CCDC51: variants seen among roughly 807,000 people sequenced by gnomAD.
The protein encoded by CCDC51 is coiled-coil domain containing 51.
A neutral mutation model predicts 24.8 loss-of-function variants in CCDC51; 25 were observed. The observed-to-expected ratio is 1.01, with a 90% confidence interval of 0.73 to 1.41. The LOEUF is 1.41. CCDC51 is among the 40% of genes most tolerant of loss of function. The pLI is 0.00. For missense variants in CCDC51, 466 were observed against 519.1 expected (o/e 0.90, Z 0.99); for synonymous variants, 190 against 204.3 (o/e 0.93, Z 0.60).
upstream of CCDC51, chr3:48,440,664 A>C (rs1222858987): frequency 6.3e-7 from 1 of 1,583,344 alleles, no homozygotes; most frequent in Admixed American, 1.7e-5. Flanking sequence ...AGCTGGCCAA[A>C]CGCTATGAGC....
upstream of CCDC51, chr3:48,440,506 C>G: frequency 6.2e-7 from 1 of 1,605,148 alleles, no homozygotes; most frequent in Non-Finnish European, 8.5e-7. Flanking sequence ...CGCTGGGAGA[C>G]AGGCCTGAGT....
rs2039255044 is a variant in CCDC51 at position 48,433,574 on chromosome 3, T to C, written c.477+133A>G. ...GGAAGCTTGGGGTTCTGTCCATCCATAGGAGCTTCTGGCTCACCTCTGTAC... is the reference window on the plus strand; with the variant it reads ...GGAAGCTTGGGGTTCTGTCCATCCACAGGAGCTTCTGGCTCACCTCTGTAC... On this transcript the variant is annotated intron_variant, in intron 3 of 3. Coordinates refer to ENST00000395694, the MANE Select transcript of CCDC51 (RefSeq NM_001256964.2). This position sits in a 1 kb window ranked among gnomAD's most constrained non-coding sequence, Gnocchi z 4.4. 4 of 937,938 alleles carry C rather than the reference T, an allele frequency of 4.3e-6. No individual in the cohort carries two copies. The highest frequency in any genetic ancestry group is 3.2e-5 in the South Asian group (2 of 62,266). 58.1% of individuals were successfully genotyped at this position (937,938 alleles called of 1,614,324 possible). A position where few individuals can be genotyped will look rare whatever the true frequency, so the allele number is the denominator to read the frequency against.
In CCDC51 at chr3:48,434,883, C is replaced by T; in HGVS notation, c.246G>A (p.Trp82Ter). The T allele has an allele frequency of 1.2e-6, 2 of 1,614,202 alleles. No homozygotes were observed. Among genetic ancestry groups the T allele is most frequent in the Middle Eastern group, 1.6e-4 (1 of 6,062 alleles). The change falls in exon 2 of 4, where the codon TGG (tryptophan) becomes TGA (stop). Residue 82 changes from tryptophan to a stop codon, truncating the protein, a stop_gained. Transcript: ENST00000395694. LOFTEE classifies it high-confidence loss of function. ...CAACAAACTCTTCATATCTGTCCCACCAAGTCTTGGCTGTGGAGGTCGCTC... is the reference window on the plus strand; with the variant it reads ...CAACAAACTCTTCATATCTGTCCCATCAAGTCTTGGCTGTGGAGGTCGCTC... Reference protein sequence around the residue: ...QQRATSTAKTWWDRYEEFVGL... With the variant: ...QQRATSTAKT
chr3:48,440,835 A>C, upstream of CCDC51: 1 of 602,472 alleles, frequency 1.7e-6, no homozygotes, highest in Non-Finnish European at 3.0e-6. Flanking sequence ...CCTCCCAGGC[A>C]GTCTGGGCTT....
At chr3:48,442,087 G>T (rs1575431172), upstream of CCDC51, among the ~76,000 whole-genome samples, 2 of 152,132 alleles carry the variant, frequency 1.3e-5, no homozygotes, top group African/African-American at 4.8e-5. Flanking sequence ...GCTGGGCGTG[G>T]TGGTGGTGGC....
At chr3:48,438,617 C>G (rs1033686454) in intron 1 of CCDC51, among the ~76,000 whole-genome samples, 1 of 152,208 alleles carries the variant, frequency 6.6e-6, no homozygotes, top group Non-Finnish European at 1.5e-5. Context: ...AATCCAGGAT[C>G]CCTCCTCCTC....
chr3:48,440,245 G>A (rs1451563912), upstream of CCDC51: 6 of 1,567,166 alleles, frequency 3.8e-6, no homozygotes, highest in Non-Finnish European at 3.5e-6. Context: ...CAAAGGGTGG[G>A]GCAGACGCTC....
chr3:48,438,226 G>A (rs1171620423), intron 1 of CCDC51: 1 of 152,030 alleles, frequency 6.6e-6, no homozygotes, highest in Non-Finnish European at 1.5e-5. Context: ...ATTTATTTTG[G>A]TGATGGCCAT....
In CCDC51 at chr3:48,432,682, C is replaced by T. The variant is rs200880198; in HGVS notation, c.962G>A (p.Arg321Gln). The T allele has an allele frequency of 2.1e-4, 344 of 1,614,222 alleles. No homozygotes were observed. In the African/African-American group the frequency reaches 4.2e-3, roughly 20 times the overall value. Residue 321 changes from arginine (R) to glutamine (Q), a missense_variant, in exon 4 of 4, where the codon CGA (arginine) becomes CAA (glutamine). Transcript: ENST00000395694. ...CTTTTCTAGGCCATCAAGCTGCTCT[C>T]GTAAGCCTTCTAGACATGAATGGAC... ...RQVHSCLEGL[R>Q]EQLDGLEKTC...
At position 48,433,603 on chromosome 3, in the gene CCDC51, G is replaced by C; in HGVS notation, c.477+104C>G. On this transcript the variant is annotated intron_variant, in intron 3 of 3. Coordinates refer to ENST00000395694, the MANE Select transcript of CCDC51 (RefSeq NM_001256964.2). The surrounding 1 kb of genome is among the most constrained non-coding windows in gnomAD (Gnocchi z 4.4). Reference sequence around the variant, plus strand: ...AGCTTCTGGCTCACCTCTGTACCAGGCCTCTGACTACAGACCAGTCAGGGT... The same window carrying C: ...AGCTTCTGGCTCACCTCTGTACCAGCCCTCTGACTACAGACCAGTCAGGGT... The C allele has an allele frequency of 8.2e-7, 1 of 1,225,734 alleles. No individual in the cohort carries two copies. The highest frequency in any genetic ancestry group is 1.1e-6 in the Non-Finnish European group (1 of 870,998). The allele number at this position is 1,225,734 out of a possible 1,614,324, so 75.9% of individuals were successfully genotyped here.
chr3:48,434,846 C>G lies in CCDC51; in HGVS notation c.283G>C (p.Val95Leu). 1.9e-6 allele frequency: 3 copies of G among 1,610,176 alleles called. No homozygotes were observed. The highest frequency in any genetic ancestry group is 2.5e-6 in the Non-Finnish European group (3 of 1,177,292). ...GTCACCTTTCCCTGGGCCTCTCGAA[C>G]CTCGTTGAGTCCAACAAACTCTTCA... is the stretch of plus-strand genomic sequence containing the variant. The part of the protein sequence containing the change: ...RYEEFVGLNE[V>L]REAQGKVTEA... The change falls in exon 2 of 4, where the codon GTT becomes CTT. Residue 95 changes from valine to leucine, a missense_variant. Transcript: ENST00000395694.
chr3:48,433,661 A>T lies in CCDC51; in HGVS notation c.477+46T>A. 1 of 1,584,260 alleles carries T rather than the reference A, an allele frequency of 6.3e-7. No homozygotes were observed. The highest frequency in any genetic ancestry group is 8.6e-7 in the Non-Finnish European group (1 of 1,162,004). On this transcript the variant is annotated intron_variant, in intron 3 of 3. Coordinates refer to ENST00000395694, the MANE Select transcript of CCDC51 (RefSeq NM_001256964.2). The surrounding 1 kb of genome is among the most constrained non-coding windows in gnomAD (Gnocchi z 4.4). ...CGGCCCCTCCATGATCTGCCAGGCT[A>T]GGGTCACTGTCCAGGTGCGAAAGGG...
At position 48,433,932 on chromosome 3, in the gene CCDC51, G is replaced by T; in HGVS notation, c.313-61C>A. On this transcript the variant is annotated intron_variant, in intron 2 of 3. Transcript: ENST00000395694. This position sits in a 1 kb window ranked among gnomAD's most constrained non-coding sequence, Gnocchi z 4.4. ...TCTCCACACCCACACAGGCTCAGCT[G>T]CATTCCCAGCAAGGCATTCCCAGAA... The T allele has an allele frequency of 6.4e-7, 1 of 1,566,230 alleles. No individual in the cohort carries two copies.
chr3:48,446,527 A>T, the CCDC51 span: 1 of 234,166 alleles, frequency 4.3e-6, no homozygotes, highest in Non-Finnish European at 8.2e-6. Context: ...GGGAGCGCAA[A>T]GCCACCAGCG....
At chr3:48,442,607 A>T (rs4858820), upstream of CCDC51, among the ~76,000 whole-genome samples, 37,609 of 151,252 alleles carry the variant, frequency 0.25, 5,528 homozygotes, top group East Asian at 0.63. Flanking sequence ...GCACACCACC[A>T]TGCCCGGCTA....
upstream of CCDC51, chr3:48,443,839 C>T (rs761279208): frequency 1.3e-6 from 2 of 1,558,506 alleles, no homozygotes; most frequent in South Asian, 1.2e-5. Context: ...GACTATTTTT[C>T]TTTTGCAGCC....
Position 48,433,119 on chromosome 3 carries a change from C to A in CCDC51, c.525G>T (p.Glu175Asp). 12 of 1,613,824 alleles carry A rather than the reference C, an allele frequency of 7.4e-6. No individual in the cohort carries two copies. Among genetic ancestry groups the A allele is most frequent in the Non-Finnish European group, 1.0e-5 (12 of 1,179,960 alleles). ...CAGAGAAGAGGGAGAACTTCTCTCG[C>A]TCAGAGTCTTCTGCACGCAGATAGG... The part of the protein sequence containing the change: ...RTAYLRAEDS[E>D]REKFSLFSAA... Residue 175 changes from glutamate to aspartate, a missense_variant, in exon 4 of 4, where the codon GAG becomes GAT. By Grantham distance (45) the Glu-to-Asp change is conservative (BLOSUM62 2). Coordinates refer to ENST00000395694, the MANE Select transcript of CCDC51 (RefSeq NM_001256964.2). This position sits in a 1 kb window ranked among gnomAD's most constrained non-coding sequence, Gnocchi z 4.4.
At chr3:48,440,975 C>G (rs539760797), upstream of CCDC51, 6 of 390,492 alleles carry the variant, frequency 1.5e-5, no homozygotes, top group Admixed American at 4.4e-5. Context: ...ATTTCACTGC[C>G]TTCTAGTGTT....
At chr3:48,445,332 T>C (rs1055110301), upstream of CCDC51, among the ~76,000 whole-genome samples, 1 of 152,198 alleles carries the variant, frequency 6.6e-6, no homozygotes, top group African/African-American at 2.4e-5. Context: ...TTTTAGAATA[T>C]TGAAAACTTT....
Sources: gnomAD v4.1 joint callset for allele counts (sites outside exome capture counted in the v4.1 genomes callset) on GRCh38, gnomAD v4.1.1 for gene constraint, Gnocchi (gnomAD v3.1) non-coding constraint, MANE v1.5 for transcripts, NCBI Gene and HGNC (gene_info 2026-07-23, HGNC 2026-07-21) for gene names.